Variants in MYOM2 observed in about 807,000 individuals in gnomAD.
The protein encoded by MYOM2 is myomesin-2.
A neutral mutation model predicts 187.6 loss-of-function variants in MYOM2; 254 were observed. The observed-to-expected ratio is 1.35, with a 90% CI of 1.22 to 1.50. The LOEUF (loss-of-function observed/expected upper bound fraction) is 1.50, where lower values mean the gene tolerates loss of function less well. Ranked by LOEUF, MYOM2 falls within the 40% of genes most tolerant of loss-of-function variation. MYOM2 has a pLI of 0.00. For synonymous variants in MYOM2, 981 were observed against 753.8 expected (o/e 1.30, Z -4.94); for missense variants, 2,796 against 1,924.0 (o/e 1.45, Z -8.48).
rs1462988545 is a variant in MYOM2 at position 2,124,172 on chromosome 8, T to C, written c.3656-7T>C. 6.2e-7 allele frequency: 1 copy of C among 1,611,700 alleles called. No individual in the cohort carries two copies. Among genetic ancestry groups the C allele is most frequent in the Non-Finnish European group, 8.5e-7 (1 of 1,178,602 alleles). On this transcript the variant is annotated splice_region_variant and splice_polypyrimidine_tract_variant and intron_variant, in intron 30 of 36. Coordinates refer to ENST00000262113, the MANE Select transcript of MYOM2 (RefSeq NM_003970.4). ...TCGTAATGGTGCGTATCCCTTCTCA[T>C]TTTCAGTGTATGATGATATGATTTT...
chr8:2,140,389 A>G (rs1344693418), intron 32 of MYOM2, among the ~76,000 whole-genome samples: 2 of 57,004 alleles, frequency 3.5e-5, no homozygotes, highest in African/African-American at 1.4e-4. Flanking sequence ...CTTCGGATCT[A>G]CACAAGTAAT....
In MYOM2 at chr8:2,059,166, A is replaced by T. The variant is rs529504369; in HGVS notation, c.574A>T (p.Ser192Cys). ...TPVVQWYKDG[S>C]LICQAAEPGK... ...TCCCTCATTTAGGTACAAAGATGGC[A>T]GTCTGATTTGCCAGGCGGCTGAACC... The change falls in exon 6 of 37, where the codon AGT (serine) becomes TGT (cysteine). Residue 192 changes from serine (S) to cysteine (C), a missense_variant. Physicochemically the swap from Ser to Cys is moderately radical, Grantham distance 112. Coordinates refer to ENST00000262113, the MANE Select transcript of MYOM2 (RefSeq NM_003970.4). 6.2e-7 allele frequency: 1 copy of T among 1,614,156 alleles called. No individual in the cohort carries two copies. Among genetic ancestry groups the T allele is most frequent in the Non-Finnish European group, 8.5e-7 (1 of 1,179,994 alleles).
intron 34 of MYOM2, among the ~76,000 whole-genome samples, chr8:2,141,577 G>A (rs1414259878): frequency 6.6e-6 from 1 of 152,208 alleles, no homozygotes; most frequent in Non-Finnish European, 1.5e-5. Flanking sequence ...TTCTGGCTCA[G>A]GCTAGGAAGG....
intron 6 of MYOM2, among the ~76,000 whole-genome samples, chr8:2,064,421 C>G (rs1818947463): frequency 6.6e-6 from 1 of 152,212 alleles, no homozygotes; most frequent in Non-Finnish European, 1.5e-5. Context: ...TAGCGGGGCG[C>G]CTCCTGCATG....
chr8:2,123,138 TA>T, intron 28 of MYOM2, 113 bp from the exon 29 acceptor site: 1 of 660,560 alleles, frequency 1.5e-6, no homozygotes. Context: ...CTGTCTATAG[TA>T]AAAACTAAGG....
chr8:2,087,410 C>G (rs1278914023), intron 14 of MYOM2, among the ~76,000 whole-genome samples: 1 of 152,112 alleles, frequency 6.6e-6, no homozygotes, highest in East Asian at 1.9e-4. Flanking sequence ...GCAATGTATG[C>G]TATCTGGGGG....
At chr8:2,073,295 G>A (rs749171731) in intron 9 of MYOM2, 44 bp from the exon 10 acceptor site, 7 of 1,575,664 alleles carry the variant, frequency 4.4e-6, no homozygotes, top group Non-Finnish European at 6.1e-6. Context: ...TTTGCCTGCT[G>A]GGGTGATTTT....
chr8:2,131,639 CTTTCTTT>C (rs1797872019), intron 32 of MYOM2, among the ~76,000 whole-genome samples: 1 of 97,484 alleles, frequency 1.0e-5, no homozygotes. Context: ...ACAGGCATTT[CTTTCTTT>C]TTTTTTTTTT....
At chr8:2,073,641 G>A (rs1371336829) in intron 10 of MYOM2, 141 bp downstream of exon 10, 10 of 1,021,278 alleles carry the variant, frequency 9.8e-6, no homozygotes, top group Admixed American at 6.2e-5. Flanking sequence ...ATGCGGCCCC[G>A]ATTTTCCCTC....
rs113904346 is a variant in MYOM2, at chr8:2,108,295, T to G, written c.2999-491T>G. On this transcript the variant is annotated intron_variant, in intron 23 of 36. Transcript: ENST00000262113. ...TTGTTATTTTCTTCTTTCCTTTTTT[T>G]TTTTTAAATTCATGGTAATACACTA... 5.9e-4 allele frequency among the ~76,000 whole-genome samples: 90 copies of G among 152,086 alleles called. 1 individual carries two copies. The highest frequency in any genetic ancestry group is 1.9e-3 in the African/African-American group (81 of 41,548).
chr8:2,076,803 G>C (rs1038944380), intron 11 of MYOM2, among the ~76,000 whole-genome samples: 1 of 152,230 alleles, frequency 6.6e-6, no homozygotes, highest in African/African-American at 2.4e-5. Flanking sequence ...GTTTGTGTTT[G>C]AGTTGATAAC....
intron 19 of MYOM2, chr8:2,100,607 G>C (rs1796672815): frequency 8.6e-6 from 4 of 464,352 alleles, no homozygotes; most frequent in Non-Finnish European, 1.6e-5. Flanking sequence ...GATCGCATCT[G>C]CTGGTCCCGA....
chr8:2,090,959 A>G (rs576300574), intron 15 of MYOM2, among the ~76,000 whole-genome samples: 94 of 141,144 alleles, frequency 6.7e-4, no homozygotes, highest in African/African-American at 2.3e-3. Flanking sequence ...TGGTAGAATG[A>G]TTTATATTCC....
chr8:2,106,615 G>T lies in MYOM2; in HGVS notation c.2998+18G>T, dbSNP rs752431305. 2 of 1,545,890 alleles carry T rather than the reference G, an allele frequency of 1.3e-6. No individual in the cohort carries two copies. Among genetic ancestry groups the T allele is most frequent in the South Asian group, 2.3e-5 (2 of 87,082 alleles). The stretch of plus-strand genomic sequence containing the variant: ...CCCAGAAGGTAATATTTATATGGCA[G>T]AACCTTGCCTGTTTTGGTTTTATCA... On this transcript the variant is annotated intron_variant, in intron 23 of 36. Coordinates refer to ENST00000262113, the MANE Select transcript of MYOM2 (RefSeq NM_003970.4).
chr8:2,117,979 A>T, intron 28 of MYOM2, 27 bp downstream of exon 28: 1 of 1,600,022 alleles, frequency 6.2e-7, no homozygotes, highest in Non-Finnish European at 8.6e-7. Context: ...TAACAGGAAA[A>T]CAATAAATCT....
intron 32 of MYOM2, among the ~76,000 whole-genome samples, chr8:2,134,641 C>T (rs1798004626): frequency 1.3e-5 from 2 of 152,136 alleles, no homozygotes; most frequent in South Asian, 2.1e-4. Context: ...TGTGCATCTC[C>T]TCATTCAGCT....
At chr8:2,133,987 C>T (rs1003438243) in intron 32 of MYOM2, among the ~76,000 whole-genome samples, 3 of 150,960 alleles carry the variant, frequency 2.0e-5, no homozygotes, top group East Asian at 2.0e-4. Flanking sequence ...CACCTCCACC[C>T]TCTTCCCCTG....
intron 30 of MYOM2, 58 bp downstream of exon 30, chr8:2,123,700 G>C (rs945270134): frequency 1.4e-6 from 2 of 1,456,018 alleles, no homozygotes; most frequent in Non-Finnish European, 1.9e-6. Flanking sequence ...AACAGGATGG[G>C]ATGTATTCTG....
chr8:2,109,249 A>G (rs1223174082), intron 24 of MYOM2, 146 bp from the exon 25 acceptor site: 1 of 972,826 alleles, frequency 1.0e-6, no homozygotes, highest in Non-Finnish European at 1.4e-6. Flanking sequence ...TTTATTTTAT[A>G]TTTTTAGCTT....
Sources: allele counts gnomAD v4.1 joint callset (sites outside exome capture counted in the v4.1 genomes callset), GRCh38; gene constraint gnomAD v4.1.1; transcripts MANE v1.5; gene names NCBI Gene and HGNC (gene_info 2026-07-23, HGNC 2026-07-21).